SRRM3: variants seen among roughly 807,000 people sequenced by gnomAD.
SRRM3 encodes the protein serine/arginine repetitive matrix protein 3.
A neutral mutation model predicts 66.2 loss-of-function variants in SRRM3; 27 were observed. The ratio of observed to expected loss-of-function variants is 0.41; its 90% CI spans 0.30 to 0.56. The LOEUF is 0.56. Among genes scored for constraint, SRRM3 ranks in the 20% least tolerant of loss-of-function variants. The pLI is 0.32. For missense variants in SRRM3, 918 were observed against 991.9 expected, an observed-to-expected ratio of 0.93 and a Z score of 1.00; for synonymous variants, 391 against 414.9, an observed-to-expected ratio of 0.94 and a Z score of 0.70.
intron 1 of SRRM3, among the ~76,000 whole-genome samples, chr7:76,216,984 A>G (rs1288200544): frequency 1.3e-5 from 2 of 152,154 alleles, no homozygotes; most frequent in East Asian, 1.9e-4. Flanking sequence ...AATAGAGGGA[A>G]TGTTCCATAA....
intron 2 of SRRM3, among the ~76,000 whole-genome samples, chr7:76,247,570 G>A (rs1028530431): frequency 3.9e-5 from 6 of 152,150 alleles, no homozygotes; most frequent in Non-Finnish European, 8.8e-5. Flanking sequence ...AGGAGGGTAC[G>A]GAGGAGGGGC....
At chr7:76,274,205 G>A (rs1241450888) in intron 11 of SRRM3, among the ~76,000 whole-genome samples, 1 of 152,248 alleles carries the variant, frequency 6.6e-6, no homozygotes, top group African/African-American at 2.4e-5. Flanking sequence ...GCCAAGGTCA[G>A]GCACAAGGGA....
At chr7:76,255,839 T>C (rs1165444893) in intron 3 of SRRM3, among the ~76,000 whole-genome samples, 5 of 152,214 alleles carry the variant, frequency 3.3e-5, no homozygotes, top group African/African-American at 1.2e-4. Context: ...AGCTGTGGCC[T>C]GCCTCCCTTC....
chr7:76,220,474 C>T (rs1800681919), intron 1 of SRRM3, among the ~76,000 whole-genome samples: 1 of 152,164 alleles, frequency 6.6e-6, no homozygotes, highest in Non-Finnish European at 1.5e-5. Flanking sequence ...GGGCACATTG[C>T]CAGCTAAGCC....
chr7:76,236,854 T>C (rs11977688), intron 2 of SRRM3, among the ~76,000 whole-genome samples: 1 of 151,840 alleles, frequency 6.6e-6, no homozygotes, highest in Non-Finnish European at 1.5e-5. Context: ...AACATGTTGA[T>C]GAGCTGTGGG....
At chr7:76,236,164 G>GTCC (rs1801148254) in intron 2 of SRRM3, among the ~76,000 whole-genome samples, 1 of 151,692 alleles carries the variant, frequency 6.6e-6, no homozygotes, top group African/African-American at 2.4e-5. Context: ...TACAAAATTA[G>GTCC]CCTGGCGTAG....
intron 11 of SRRM3, among the ~76,000 whole-genome samples, chr7:76,275,244 C>A (rs1470576398): frequency 1.3e-5 from 2 of 152,046 alleles, no homozygotes; most frequent in African/African-American, 4.8e-5. Context: ...ATCCCGGAGG[C>A]AGGTGTCAGG....
Position 76,285,822 on chromosome 7 carries a change from C to T in SRRM3, c.1941C>T (p.Ser647=). Residue 647 remains serine (S), a synonymous_variant, in exon 15 of 15, where the codon AGC becomes AGT. Coordinates refer to ENST00000611745, the MANE Select transcript of SRRM3 (RefSeq NM_001110199.3). The surrounding 1 kb of genome is among the most constrained non-coding windows in gnomAD (Gnocchi z 4.1). The stretch of plus-strand genomic sequence containing the variant: ...GTCCCAGCTACCACAGCCGGAGCAG[C>T]TCTGAGAGCGGGGGCTTCTGAGCCC... The part of the protein sequence containing the change: ...TPSPSYHSRS[S]SESGGF The T allele has an allele frequency of 1.3e-6, 2 of 1,550,394 alleles. No individual in the cohort carries two copies. Among genetic ancestry groups the T allele is most frequent in the South Asian group, 1.2e-5 (1 of 84,000 alleles).
intron 2 of SRRM3, among the ~76,000 whole-genome samples, chr7:76,241,984 G>A (rs79218918): frequency 0.078 from 11,828 of 152,184 alleles, 1,123 homozygotes; most frequent in African/African-American, 0.22. Context: ...GAAGCATGGC[G>A]CTGGCATCCA....
In SRRM3 at chr7:76,207,343, G is replaced by A. The variant is rs553091731; in HGVS notation, c.-40+5276G>A. ...GAGAAAGAGAGAGAGAGAGAGAATG[G>A]CATATCTTCATTGTACAAGTCTTGG... On this transcript the variant is annotated intron_variant, in intron 1 of 14. Transcript: ENST00000611745. Among the ~76,000 whole-genome samples the A allele has an allele frequency of 1.3e-4, 19 of 151,804 alleles. No individual in the cohort carries two copies. The South Asian group carries it at 4.0e-3, about 32-fold the overall frequency.
chr7:76,270,688 C>T (rs1161941699), intron 11 of SRRM3, among the ~76,000 whole-genome samples: 1 of 152,028 alleles, frequency 6.6e-6, no homozygotes, highest in Non-Finnish European at 1.5e-5. Context: ...GTGGTGCATG[C>T]CTATAATCTC....
intron 1 of SRRM3, among the ~76,000 whole-genome samples, chr7:76,206,946 C>T (rs190158171): frequency 0.016 from 2,422 of 152,294 alleles, 60 homozygotes; most frequent in African/African-American, 0.055. Flanking sequence ...GACCCATTTA[C>T]TCAGACCCCA....
chr7:76,263,436 A>G (rs759597555), intron 8 of SRRM3, among the ~76,000 whole-genome samples: 13 of 152,212 alleles, frequency 8.5e-5, no homozygotes, highest in Non-Finnish European at 1.8e-4. Context: ...GAAGCTTCTC[A>G]GGCCTTTCAT....
intron 1 of SRRM3, among the ~76,000 whole-genome samples, chr7:76,229,741 CTTTTTT>C (rs869140956): frequency 7.5e-6 from 1 of 133,104 alleles, no homozygotes. Context: ...TCTTCTTCTT[CTTTTTT>C]TTTTTTTTTT....
At chr7:76,204,406 C>A (rs1443151437) in intron 1 of SRRM3, among the ~76,000 whole-genome samples, 5 of 152,188 alleles carry the variant, frequency 3.3e-5, no homozygotes, top group African/African-American at 1.2e-4. Context: ...CCTCACATAA[C>A]CTGGACCCAA....
intron 1 of SRRM3, among the ~76,000 whole-genome samples, chr7:76,229,933 G>A (rs782750794): frequency 4.0e-5 from 6 of 151,696 alleles, no homozygotes; most frequent in Admixed American, 2.0e-4. Context: ...TAGTAGAGAC[G>A]GGGTTTCACC....
intron 10 of SRRM3, among the ~76,000 whole-genome samples, chr7:76,266,498 ATT>A (rs1238325490): frequency 0.017 from 1,925 of 111,260 alleles, 29 homozygotes; most frequent in East Asian, 0.053. Context: ...ATATTTATAT[ATT>A]TAATATATAA....
chr7:76,238,622 C>G (rs1427930441), intron 2 of SRRM3, among the ~76,000 whole-genome samples: 3 of 152,152 alleles, frequency 2.0e-5, no homozygotes, highest in Non-Finnish European at 4.4e-5. Context: ...CAGCATCCTC[C>G]CTGCCACCCT....
intron 3 of SRRM3, among the ~76,000 whole-genome samples, chr7:76,259,055 C>T (rs553571845): frequency 7.1e-4 from 107 of 150,846 alleles, no homozygotes; most frequent in Non-Finnish European, 1.4e-3. Context: ...CCCTGCACTC[C>T]AGCCAGGACA....
Sources: allele counts gnomAD v4.1 joint callset (sites outside exome capture counted in the v4.1 genomes callset), GRCh38; gene constraint gnomAD v4.1.1; non-coding constraint Gnocchi (gnomAD v3.1); transcripts MANE v1.5; gene names NCBI Gene and HGNC (gene_info 2026-07-23, HGNC 2026-07-21).